The following EDA variants were observed in gnomAD, a reference collection of about 807,000 sequenced individuals.
EDA encodes the protein ectodysplasin-A.
A neutral mutation model predicts 23.6 loss-of-function variants in EDA; 2 were observed. The observed-to-expected ratio is 0.08, with a 90% CI of 0.03 to 0.27. EDA has a LOEUF of 0.27. Among genes scored for constraint, EDA ranks in the 10% least tolerant of loss-of-function variants. The pLI, the probability that EDA is intolerant of heterozygous loss-of-function variation, is 1.00. For synonymous variants in EDA, 131 were observed against 132.0 expected (o/e 0.99, Z 0.05); for missense variants, 229 against 324.2 (o/e 0.71, Z 2.26).
At chrX:70,032,325 G>T (rs1189298967) in intron 6 of EDA, among the ~76,000 whole-genome samples, 1 of 109,937 alleles carries the variant, frequency 9.1e-6, no homozygotes, top group Non-Finnish European at 1.9e-5. Context: ...CATGCAGAGT[G>T]GTCCATTGAT....
chrX:69,822,398 G>A (rs891398979), intron 1 of EDA, among the ~76,000 whole-genome samples: 1 of 111,688 alleles, frequency 9.0e-6, no homozygotes, highest in Non-Finnish European at 1.9e-5. Context: ...ACTGTAGTGT[G>A]TCTGGAGGAA....
At chrX:69,744,160 A>G (rs1042173684) in intron 1 of EDA, among the ~76,000 whole-genome samples, 1 of 111,913 alleles carries the variant, frequency 8.9e-6, no homozygotes, top group South Asian at 3.8e-4. Context: ...TCAAGGTGAT[A>G]TGATAGCACT....
chrX:70,037,723 C>A lies in EDA; in HGVS notation c.*2114C>A. The A allele has an allele frequency of 8.9e-6, 1 of 111,792 alleles. No individual in the cohort carries two copies. Among genetic ancestry groups the A allele is most frequent in the Middle Eastern group, 4.6e-3 (1 of 219 alleles). The allele number at this position is 111,792 out of a possible 1,213,427, so 9.2% of individuals were successfully genotyped here. Reference sequence around the variant, plus strand: ...TCCTTGAGAGTTCCGGGGAGAAACCCAGAGATGCCTGATTTCATTCCTCGA... The same window carrying A: ...TCCTTGAGAGTTCCGGGGAGAAACCAAGAGATGCCTGATTTCATTCCTCGA... On this transcript the variant is annotated 3_prime_UTR_variant, in exon 8 of 8. Transcript: ENST00000374552.
intron 1 of EDA, among the ~76,000 whole-genome samples, chrX:69,910,374 A>AGAGAGAGTGT (rs1191245556): frequency 0.022 from 915 of 41,708 alleles, 28 homozygotes; most frequent in East Asian, 0.14. Context: ...AGAGAGAGAG[A>AGAGAGAGTGT]GTGTGTGTGT....
intron 1 of EDA, among the ~76,000 whole-genome samples, chrX:69,755,673 A>G (rs1602372769): frequency 8.9e-6 from 1 of 112,715 alleles, no homozygotes; most frequent in South Asian, 3.7e-4. Flanking sequence ...TGGAGTCTAC[A>G]GAGGCTGACA....
intron 1 of EDA, among the ~76,000 whole-genome samples, chrX:69,832,419 A>G (rs1238092640): frequency 8.9e-6 from 1 of 112,087 alleles, no homozygotes; most frequent in Non-Finnish European, 1.9e-5. Context: ...TACCAGTACC[A>G]TGCTGTTTTG....
At chrX:69,818,921 G>A (rs1034200731) in intron 1 of EDA, among the ~76,000 whole-genome samples, 7 of 111,845 alleles carry the variant, frequency 6.3e-5, no homozygotes, top group Non-Finnish European at 1.3e-4. Context: ...CAACGAAAAA[G>A]AAAACTTCAG....
rs758382013 is a variant in EDA, at chrX:69,838,943, T to G, written c.397-118084T>G. 2.7e-5 allele frequency among the ~76,000 whole-genome samples: 3 copies of G among 112,166 alleles called. No individual in the cohort carries two copies. In the South Asian group the frequency reaches 1.1e-3, roughly 42 times the overall value. ...TTGTTAGTCTAATTTTGTGATGATA[T>G]CCACACAAAGAAATAAATGCAAATA... On this transcript the variant is annotated intron_variant, in intron 1 of 7. Coordinates refer to ENST00000374552, the MANE Select transcript of EDA (RefSeq NM_001399.5).
chrX:69,665,607 T>G (rs1331649733), intron 1 of EDA, among the ~76,000 whole-genome samples: 1 of 111,429 alleles, frequency 9.0e-6, no homozygotes, highest in Non-Finnish European at 1.9e-5. Context: ...ACAAAGTAAT[T>G]GACTGTATAT....
chrX:69,669,704 A>G (rs1308504307), intron 1 of EDA, among the ~76,000 whole-genome samples: 1 of 109,215 alleles, frequency 9.2e-6, no homozygotes, highest in Non-Finnish European at 1.9e-5. Flanking sequence ...CACATGGTAC[A>G]TGTGTAGGTT....
At position 69,616,162 on chromosome X, in the gene EDA, C is replaced by A; in HGVS notation, c.-147C>A. On this transcript the variant is annotated 5_prime_UTR_variant, in exon 1 of 8. Transcript: ENST00000374552. ...GCTGCACATGCGGCTGCTCCCTGCT[C>A]CGTCCCGCCCAGCCACTGTCGCGCA... is the stretch of plus-strand genomic sequence containing the variant. 1.6e-6 allele frequency: 1 copy of A among 639,404 alleles called. No individual in the cohort carries two copies. Among genetic ancestry groups the A allele is most frequent in the East Asian group, 3.6e-5 (1 of 27,771 alleles). The allele number at this position is 639,404 out of a possible 1,213,427, so 52.7% of individuals were successfully genotyped here.
intron 1 of EDA, among the ~76,000 whole-genome samples, chrX:69,852,099 T>A (rs1315501880): frequency 2.7e-5 from 3 of 112,104 alleles, no homozygotes; most frequent in Admixed American, 9.5e-5. Flanking sequence ...TGTGCCCTCC[T>A]TCACGGAGGG....
intron 3 of EDA, among the ~76,000 whole-genome samples, chrX:70,027,042 G>A (rs758633038): frequency 1.7e-4 from 19 of 111,215 alleles, no homozygotes; most frequent in Non-Finnish European, 3.4e-4. Context: ...TCTTGTTATC[G>A]ACATCAAGTC....
intron 1 of EDA, among the ~76,000 whole-genome samples, chrX:69,630,618 A>C (rs1037511358): frequency 8.9e-6 from 1 of 112,270 alleles, no homozygotes; most frequent in African/African-American, 3.2e-5. Context: ...TATGTGTGAA[A>C]AATATAAAGT....
Position 70,028,022 on chromosome X carries a change from TC to T in EDA, c.694del (p.Gln232ArgfsTer48), listed in dbSNP as rs1167538263. The T allele has an allele frequency of 8.5e-7, 1 of 1,181,497 alleles. No individual in the cohort carries two copies. The highest frequency in any genetic ancestry group is 2.3e-5 in the Admixed American group (1 of 43,647). On this transcript the variant is annotated frameshift_variant, in exon 4 of 8. Transcript: ENST00000374552. LOFTEE classifies it high-confidence loss of function. Reference protein sequence around the residue: ...GPPGPQGPPGLQGPSGAADKA... With the variant: ...GPPGPQGPPGXQGPSGAADKA... ...CCTGGTCCTCAAGGACCCCCTGGCC[TC>T]CAGGGACCTTCTGGTGAGTTCCCCT...
At chrX:69,800,996 A>T (rs144000683) in intron 1 of EDA, among the ~76,000 whole-genome samples, 123 of 111,672 alleles carry the variant, frequency 1.1e-3, no homozygotes, top group African/African-American at 3.8e-3. Flanking sequence ...TTGTTCAACC[A>T]CATTTATGAT....
At chrX:69,632,811 C>T (rs1932652855) in intron 1 of EDA, among the ~76,000 whole-genome samples, 1 of 112,053 alleles carries the variant, frequency 8.9e-6, no homozygotes, top group Non-Finnish European at 1.9e-5. Context: ...CAAGACCAGT[C>T]CTTTTATCTG....
chrX:69,828,995 C>T (rs763136283), intron 1 of EDA, among the ~76,000 whole-genome samples: 1 of 112,360 alleles, frequency 8.9e-6, no homozygotes, highest in Non-Finnish European at 1.9e-5. Flanking sequence ...GATTCCCTGA[C>T]CATTCTGTTT....
rs1001382021 is a variant in EDA, at chrX:70,013,871, G to A, written c.503-9347G>A. Among the ~76,000 whole-genome samples the A allele has an allele frequency of 2.7e-5, 3 of 112,226 alleles. No homozygotes were observed. The Admixed American group carries it at 2.8e-4, about 10-fold the overall frequency. ...TACCACAGCTGCCCTAAGGAGAAGA[G>A]GCCAGTCTGTCTTCCCCTACAATAC... On this transcript the variant is annotated intron_variant, in intron 2 of 7. Coordinates refer to ENST00000374552, the MANE Select transcript of EDA (RefSeq NM_001399.5).
Sources: gnomAD v4.1 joint callset for allele counts (sites outside exome capture counted in the v4.1 genomes callset) on GRCh38, gnomAD v4.1.1 for gene constraint, MANE v1.5 for transcripts, NCBI Gene and HGNC (gene_info 2026-07-23, HGNC 2026-07-21) for gene names.